The following CAMSAP1 variants were observed in gnomAD, a reference collection of about 807,000 sequenced individuals.
CAMSAP1 encodes calmodulin regulated spectrin associated protein 1.
A neutral mutation model predicts 143.5 loss-of-function variants in CAMSAP1; 58 were observed. That is an observed-to-expected ratio of 0.40 (90% CI 0.33 to 0.50). CAMSAP1 has a LOEUF of 0.50. Ranked by LOEUF, CAMSAP1 falls within the 20% of genes least tolerant of loss-of-function variation. The probability of loss-of-function intolerance (pLI) is 0.45; values close to 1 mark genes in which losing one functional copy is unlikely to be tolerated. For synonymous variants in CAMSAP1, 945 were observed against 859.3 expected (o/e 1.10, Z -1.74); for missense variants, 1,969 against 2,115.7 (o/e 0.93, Z 1.36).
chr9:135,875,751 C>CA (rs1358854647), intron 3 of CAMSAP1, among the ~76,000 whole-genome samples: 1 of 152,162 alleles, frequency 6.6e-6, no homozygotes, highest in African/African-American at 2.4e-5. Flanking sequence ...AAATGAACCT[C>CA]AACCCTTCCC....
In CAMSAP1 at chr9:135,824,845, G is replaced by T; in HGVS notation, c.1259C>A (p.Pro420His). 6.2e-7 allele frequency: 1 copy of T among 1,603,774 alleles called. No individual in the cohort carries two copies. Among genetic ancestry groups the T allele is most frequent in the Non-Finnish European group, 8.5e-7 (1 of 1,175,174 alleles). Residue 420 changes from proline to histidine, a missense_variant, in exon 9 of 17, where the codon CCT becomes CAT. Transcript: ENST00000389532. The surrounding 1 kb of genome is among the most constrained non-coding windows in gnomAD (Gnocchi z 4.1). The stretch of plus-strand genomic sequence containing the variant: ...CTGTTTCTGTCTCAGTGGCAATAAA[G>T]GATGGGATGGGCTGAAGGCAGCAGT... ...KGTAAFSPSH[P>H]LLPLRQKQQK...
At chr9:135,884,030 G>A (rs1402401711) in intron 1 of CAMSAP1, among the ~76,000 whole-genome samples, 7 of 152,060 alleles carry the variant, frequency 4.6e-5, no homozygotes, top group Admixed American at 6.5e-5. Context: ...AGACATCAAC[G>A]GCTGTCCCAC....
Position 135,868,609 on chromosome 9 carries a change from A to ATTTTT in CAMSAP1, c.586-2078_586-2074dup, listed in dbSNP as rs767495608. 2.3e-3 allele frequency among the ~76,000 whole-genome samples: 213 copies of ATTTTT among 93,478 alleles called. 17 individuals are homozygous for ATTTTT. The highest frequency in any genetic ancestry group is 3.9e-3 in the South Asian group (10 of 2,576). The allele number at this position is 93,478 out of a possible 152,430, so 61.3% of individuals were successfully genotyped here. Reference sequence around the variant, plus strand: ...AAAGGCTTTTCTGATGAGATTGGCAATTTTTTTTTTTTTTTTTTTTTTTTT... The same window carrying ATTTTT: ...AAAGGCTTTTCTGATGAGATTGGCAATTTTTTTTTTTTTTTTTTTTTTTTTTTTTT... On this transcript the variant is annotated intron_variant, in intron 3 of 16. Coordinates refer to ENST00000389532, the MANE Select transcript of CAMSAP1 (RefSeq NM_015447.4).
intron 1 of CAMSAP1, among the ~76,000 whole-genome samples, chr9:135,892,754 G>C (rs971228445): frequency 6.8e-6 from 1 of 147,760 alleles, no homozygotes; most frequent in Non-Finnish European, 1.5e-5. Flanking sequence ...GGGAGGCTGA[G>C]GCAGGAGAAT....
Position 135,826,736 on chromosome 9 carries a change from G to A in CAMSAP1, c.1223+671C>T, listed in dbSNP as rs2131673889. ...ACTTTCGGTGTGCTAACTGGCTCCA[G>A]GCTGGCATCAGCTGTGGGTCCTCCT... is the stretch of plus-strand genomic sequence containing the variant. On this transcript the variant is annotated intron_variant, in intron 8 of 16. Transcript: ENST00000389532. The surrounding 1 kb of genome is among the most constrained non-coding windows in gnomAD (Gnocchi z 4.4). Among the ~76,000 whole-genome samples the A allele has an allele frequency of 6.6e-6, 1 of 152,250 alleles. No homozygotes were observed. The highest frequency in any genetic ancestry group is 1.9e-4 in the East Asian group (1 of 5,184).
chr9:135,822,579 T>TC lies in CAMSAP1; in HGVS notation c.2081dup (p.Pro695ThrfsTer15). ...GAAGGAAGAAGCCATCCGTGGATGG[T>TC]CCCTGGGGGAACGGATCGAATCCGC... On this transcript the variant is annotated frameshift_variant, in exon 11 of 17. Coordinates refer to ENST00000389532, the MANE Select transcript of CAMSAP1 (RefSeq NM_015447.4). LOFTEE classifies it high-confidence loss of function. The surrounding 1 kb of genome is among the most constrained non-coding windows in gnomAD (Gnocchi z 6.1). The TC allele has an allele frequency of 6.2e-7, 1 of 1,613,088 alleles. No homozygotes were observed. The highest frequency in any genetic ancestry group is 8.5e-7 in the Non-Finnish European group (1 of 1,179,780).
At chr9:135,873,719 C>A (rs963060000) in intron 3 of CAMSAP1, among the ~76,000 whole-genome samples, 7 of 151,934 alleles carry the variant, frequency 4.6e-5, no homozygotes, top group African/African-American at 1.7e-4. Flanking sequence ...AAAGCTAGCA[C>A]AATGCTAAAT....
intron 7 of CAMSAP1, among the ~76,000 whole-genome samples, chr9:135,842,486 G>T (rs1836393722): frequency 1.3e-5 from 2 of 152,078 alleles, no homozygotes; most frequent in Non-Finnish European, 2.9e-5. Context: ...TCAAATTCAG[G>T]AAATACGGAG....
chr9:135,858,327 C>G (rs1837051396), intron 5 of CAMSAP1, among the ~76,000 whole-genome samples: 1 of 152,004 alleles, frequency 6.6e-6, no homozygotes, highest in South Asian at 2.1e-4. Flanking sequence ...CTTCCTTCAA[C>G]TTTTTTTGGG....
chr9:135,822,496 C>G lies in CAMSAP1; in HGVS notation c.2165G>C (p.Ser722Thr). Reference sequence around the variant, plus strand: ...CGGCTCTGAATCGTGGGAGTTGGGGCTTTTTGAACAACTAACATATAACCT... The same window carrying G: ...CGGCTCTGAATCGTGGGAGTTGGGGGTTTTTGAACAACTAACATATAACCT... ...EGRLYVSCSK[S>T]PNSHDSEPWT... is the part of the protein sequence containing the mutation. Residue 722 changes from serine (S) to threonine (T), a missense_variant, in exon 11 of 17, where the codon AGC becomes ACC. By Grantham distance (58) the Ser-to-Thr change is moderately conservative. Coordinates refer to ENST00000389532, the MANE Select transcript of CAMSAP1 (RefSeq NM_015447.4). The surrounding 1 kb of genome is among the most constrained non-coding windows in gnomAD (Gnocchi z 6.1). 1.2e-6 allele frequency: 2 copies of G among 1,613,888 alleles called. No homozygotes were observed. Among genetic ancestry groups the G allele is most frequent in the Non-Finnish European group, 1.7e-6 (2 of 1,179,880 alleles).
At chr9:135,864,445 T>C (rs1837304599) in intron 4 of CAMSAP1, among the ~76,000 whole-genome samples, 1 of 152,200 alleles carries the variant, frequency 6.6e-6, no homozygotes, top group African/African-American at 2.4e-5. Context: ...TTACTCCCGC[T>C]GCTATCGCCT....
rs1485377582 is a variant in CAMSAP1, at chr9:135,811,145, TCTG to T, written c.*161_*163del. The T allele has an allele frequency of 2.5e-6, 2 of 789,420 alleles. No individual in the cohort carries two copies. The highest frequency in any genetic ancestry group is 4.0e-6 in the Non-Finnish European group (2 of 502,636). The allele number at this position is 789,420 out of a possible 1,614,324, so 48.9% of individuals were successfully genotyped here. On this transcript the variant is annotated 3_prime_UTR_variant, in exon 17 of 17. Coordinates refer to ENST00000389532, the MANE Select transcript of CAMSAP1 (RefSeq NM_015447.4). This position sits in a 1 kb window ranked among gnomAD's most constrained non-coding sequence, Gnocchi z 4.9. ...ATGAGCGCTGAGAGAGGGGTTTTCT[TCTG>T]CTGTCTAGAAACCTCTTTGCAAAAG...
intron 5 of CAMSAP1, among the ~76,000 whole-genome samples, chr9:135,862,201 C>A (rs1837220150): frequency 6.6e-6 from 1 of 150,794 alleles, no homozygotes; most frequent in African/African-American, 2.4e-5. Flanking sequence ...ATCCTCTCAC[C>A]TTAGCCTCCC....
Position 135,882,959 on chromosome 9 carries a change from G to A in CAMSAP1, c.280C>T (p.Leu94Phe). The A allele has an allele frequency of 1.9e-6, 3 of 1,551,782 alleles. No homozygotes were observed. Among genetic ancestry groups the A allele is most frequent in the Non-Finnish European group, 2.6e-6 (3 of 1,147,016 alleles). ...GCCACCTGGTCCCCTTTCAGGATGA[G>A]GCTGCAGACACGGCAGTACAGCTCG... ...SSELYCRVCS[L>F]ILKGDQVAAL... is the part of the protein sequence containing the mutation. The change falls in exon 2 of 17, where the codon CTC (leucine) becomes TTC (phenylalanine). Residue 94 changes from leucine to phenylalanine, a missense_variant. Physicochemically the swap from Leu to Phe is conservative, Grantham distance 22. Around this residue, in one of 4 missense-constraint regions of CAMSAP1, gnomAD observed 215 missense variants for 196.2 expected, o/e 1.10. Coordinates refer to ENST00000389532, the MANE Select transcript of CAMSAP1 (RefSeq NM_015447.4). This position sits in a 1 kb window ranked among gnomAD's most constrained non-coding sequence, Gnocchi z 4.9.
chr9:135,880,966 T>C (rs1176262062), intron 3 of CAMSAP1, among the ~76,000 whole-genome samples: 1 of 152,214 alleles, frequency 6.6e-6, no homozygotes, highest in Non-Finnish European at 1.5e-5. Flanking sequence ...TGCCATTTTT[T>C]TTCCTTAATA....
At chr9:135,876,757 C>G (rs1396838741) in intron 3 of CAMSAP1, among the ~76,000 whole-genome samples, 1 of 151,976 alleles carries the variant, frequency 6.6e-6, no homozygotes, top group African/African-American at 2.4e-5. Flanking sequence ...ACCTGTAATC[C>G]CAGCACTTTG....
At chr9:135,865,113 T>C (rs1183297625) in intron 4 of CAMSAP1, 2 of 561,476 alleles carry the variant, frequency 3.6e-6, no homozygotes, top group African/African-American at 3.8e-5. Context: ...ACTAGGAAAC[T>C]GGGCGAAATG....
intron 3 of CAMSAP1, among the ~76,000 whole-genome samples, chr9:135,878,669 G>A (rs1018377570): frequency 8.5e-5 from 13 of 152,190 alleles, no homozygotes; most frequent in Non-Finnish European, 1.0e-4. Flanking sequence ...AACCCACACC[G>A]GAGAGGGCCT....
chr9:135,871,411 C>T (rs1166901716), intron 3 of CAMSAP1, among the ~76,000 whole-genome samples: 1 of 152,144 alleles, frequency 6.6e-6, no homozygotes, highest in East Asian at 1.9e-4. Flanking sequence ...TGGTCTTGAA[C>T]TCCCTGGCTC....
Sources: allele counts gnomAD v4.1 joint callset (sites outside exome capture counted in the v4.1 genomes callset), GRCh38; gene constraint gnomAD v4.1.1; regional missense constraint gnomAD v4.1.1; non-coding constraint Gnocchi (gnomAD v3.1); transcripts MANE v1.5; gene names NCBI Gene and HGNC (gene_info 2026-07-23, HGNC 2026-07-21).